Variants in LNX1 observed in about 807,000 individuals in gnomAD.
LNX1 encodes the protein ligand of numb-protein X 1.
In LNX1, 54 loss-of-function variants were observed where a neutral mutation model predicts 68.4. The ratio of observed to expected loss-of-function variants is 0.79; its 90% confidence interval spans 0.63 to 0.99. The LOEUF (loss-of-function observed/expected upper bound fraction) is 0.99. Ranked by LOEUF, LNX1 falls within the 50% of genes least tolerant of loss-of-function variation. The pLI, the probability that LNX1 is intolerant of heterozygous loss-of-function variation, is 0.00. For synonymous variants in LNX1, 336 were observed against 350.0 expected, an observed-to-expected ratio of 0.96 and a Z score of 0.45; for missense variants, 906 against 926.4, an observed-to-expected ratio of 0.98 and a Z score of 0.29.
Position 53,650,158 on chromosome 4 carries a change from G to T in LNX1, c.-215+2010C>A, listed in dbSNP as rs1261118188. 3.3e-5 allele frequency among the ~76,000 whole-genome samples: 5 copies of T among 152,198 alleles called. No individual in the cohort carries two copies. The South Asian group carries it at 8.3e-4, about 25-fold the overall frequency. The stretch of plus-strand genomic sequence containing the variant: ...ACACGTGCCCTGCCTGTATGGAGGA[G>T]ACAGCTTTGTCCCCCATCAAAGACA... On this transcript the variant is annotated intron_variant, in intron 1 of 2. Transcript: ENST00000507168.
upstream of LNX1, among the ~76,000 whole-genome samples, chr4:53,595,556 T>C (rs1126328): frequency 0.79 from 120,565 of 152,170 alleles, 48,057 homozygotes; most frequent in South Asian, 0.91. Flanking sequence ...AGCAAGCCTC[T>C]TTTGCAGTCA....
chr4:53,585,732 A>C (rs1732129737), intron 1 of LNX1, among the ~76,000 whole-genome samples: 1 of 152,152 alleles, frequency 6.6e-6, no homozygotes, highest in South Asian at 2.1e-4. Context: ...ACTGAAAGAG[A>C]CCAGAGAAGA....
intron 2 of LNX1, among the ~76,000 whole-genome samples, chr4:53,522,673 A>C (rs1727316937): frequency 6.6e-6 from 1 of 152,220 alleles, no homozygotes; most frequent in South Asian, 2.1e-4. Flanking sequence ...TTTTATTAGG[A>C]TCAAATAGGA....
chr4:53,648,156 T>C (rs1213686220), intron 1 of LNX1, among the ~76,000 whole-genome samples: 1 of 152,234 alleles, frequency 6.6e-6, no homozygotes. Context: ...AATTCTATTT[T>C]TCATTTTTTG....
intron 2 of LNX1, among the ~76,000 whole-genome samples, chr4:53,609,025 A>T (rs1173521915): frequency 6.6e-6 from 1 of 152,100 alleles, no homozygotes; most frequent in Non-Finnish European, 1.5e-5. Context: ...CAAGGCTACA[A>T]TAACCAAAAC....
intron 6 of LNX1, among the ~76,000 whole-genome samples, chr4:53,483,688 C>G (rs774425232): frequency 7.9e-5 from 12 of 152,176 alleles, no homozygotes; most frequent in Non-Finnish European, 8.8e-5. Context: ...TTTGGTGGTT[C>G]CTCTCTTCAT....
chr4:53,492,294 G>A (rs372378539), intron 6 of LNX1, among the ~76,000 whole-genome samples: 1 of 152,228 alleles, frequency 6.6e-6, no homozygotes, highest in East Asian at 1.9e-4. Flanking sequence ...CCAGGCAGAG[G>A]AACAGCAAGA....
In LNX1 at chr4:53,636,903, A is replaced by G. The variant is rs560018142; in HGVS notation, c.-215+15265T>C. Reference sequence around the variant, plus strand: ...AGTTTAAAACATCTGTTTGGAGTGAAGGTGTTATACACTTATCTTGTATGC... The same window carrying G: ...AGTTTAAAACATCTGTTTGGAGTGAGGGTGTTATACACTTATCTTGTATGC... On this transcript the variant is annotated intron_variant, in intron 1 of 2. Coordinates refer to the LNX1 transcript ENST00000507168. Among the ~76,000 whole-genome samples the G allele has an allele frequency of 5.3e-5, 8 of 151,890 alleles. No homozygotes were observed. The South Asian group carries it at 1.7e-3, about 32-fold the overall frequency.
At chr4:53,529,268 C>G (rs1456513812) in intron 2 of LNX1, among the ~76,000 whole-genome samples, 1 of 152,140 alleles carries the variant, frequency 6.6e-6, no homozygotes, top group Non-Finnish European at 1.5e-5. Flanking sequence ...TACCTTCCCC[C>G]AGGCATTAAC....
At position 53,481,720 on chromosome 4, in the gene LNX1, C is replaced by T. The variant is rs1226726195; in HGVS notation, c.1485G>A (p.Lys495=). The change falls in exon 7 of 11, where the codon AAG becomes AAA. Residue 495 remains lysine, a splice_region_variant and synonymous_variant. Transcript: ENST00000263925. ...AGGCGACCTGCCCTAGAGGCCTCAC[C>T]TTGGGAGTGTTGCTCCTCTCCCCTG... ...PGPGERSNTP[K]PLHPTITCHE... 12 of 1,613,410 alleles carry T rather than the reference C, an allele frequency of 7.4e-6. No homozygotes were observed. Among genetic ancestry groups the T allele is most frequent in the South Asian group, 2.2e-5 (2 of 91,010 alleles).
At chr4:53,472,685 C>CAAAAAAAAAAAAAAAAA (rs1309297098) in intron 9 of LNX1, among the ~76,000 whole-genome samples, 1 of 74,776 alleles carries the variant, frequency 1.3e-5, no homozygotes, top group East Asian at 3.6e-4. Context: ...ACAACAACAA[C>CAAAAAAAAAAAAAAAAA]AAAAAAAAAA....
chr4:53,553,148 T>C (rs1449078284), intron 2 of LNX1, among the ~76,000 whole-genome samples: 2 of 152,164 alleles, frequency 1.3e-5, no homozygotes, highest in East Asian at 3.9e-4. Context: ...ACCCGAGATC[T>C]CAGAACTCAC....
chr4:53,460,984 A>C lies in LNX1; in HGVS notation c.2110T>G (p.Cys704Gly), dbSNP rs1421746527. 1 of 1,609,320 alleles carries C rather than the reference A, an allele frequency of 6.2e-7. No individual in the cohort carries two copies. The highest frequency in any genetic ancestry group is 1.3e-5 in the African/African-American group (1 of 74,600). The change falls in exon 11 of 11, where the codon TGC becomes GGC. Residue 704 changes from cysteine to glycine, a missense_variant. Cys to Gly is a radical substitution (Grantham distance 159). Transcript: ENST00000263925. ...GRSTSGMIHA[C>G]LARLLKELKG... ...AGTTCTTTCAGCAGTCTTGCCAAGC[A>C]AGCATGTATCATTCCTGATGTACTT...
chr4:53,575,520 A>C (rs1257254830), intron 1 of LNX1: 1 of 985,290 alleles, frequency 1.0e-6, no homozygotes, highest in African/African-American at 1.7e-5. Context: ...TCCCCATTCC[A>C]GAGGTGACAT....
At chr4:53,522,789 C>T (rs1277803378) in intron 2 of LNX1, among the ~76,000 whole-genome samples, 1 of 151,998 alleles carries the variant, frequency 6.6e-6, no homozygotes, top group African/African-American at 2.4e-5. Flanking sequence ...AGAGCAGGGC[C>T]CTGTCTCAAA....
chr4:53,642,851 T>C (rs1734737625), intron 1 of LNX1, among the ~76,000 whole-genome samples: 1 of 152,160 alleles, frequency 6.6e-6, no homozygotes, highest in Admixed American at 6.5e-5. Flanking sequence ...CTCCCAGCCA[T>C]GGCATGGAAG....
At chr4:53,567,082 T>A (rs1224684605) in intron 2 of LNX1, among the ~76,000 whole-genome samples, 1 of 145,838 alleles carries the variant, frequency 6.9e-6, no homozygotes. Context: ...ATTAGACAGA[T>A]CAACGAGACA....
chr4:53,506,859 A>C (rs1725923856), intron 4 of LNX1, among the ~76,000 whole-genome samples: 1 of 146,660 alleles, frequency 6.8e-6, no homozygotes, highest in Admixed American at 6.9e-5. Context: ...CTCTGTCTAA[A>C]AAAAAAAAAA....
intron 6 of LNX1, among the ~76,000 whole-genome samples, chr4:53,484,478 G>A (rs1173036803): frequency 1.3e-5 from 2 of 151,998 alleles, no homozygotes; most frequent in Non-Finnish European, 2.9e-5. Flanking sequence ...GAGGAGAATT[G>A]CTTGAACCCA....
Sources: allele counts gnomAD v4.1 joint callset (sites outside exome capture counted in the v4.1 genomes callset), GRCh38; gene constraint gnomAD v4.1.1; transcripts MANE v1.5; gene names NCBI Gene and HGNC (gene_info 2026-07-23, HGNC 2026-07-21).